The following SERPING1 variants were observed in gnomAD, a reference collection of about 807,000 sequenced individuals.
SERPING1 encodes the protein plasma protease C1 inhibitor.
In SERPING1, 5 loss-of-function variants were observed where a neutral mutation model predicts 34.1. The observed-to-expected ratio is 0.15, with a 90% confidence interval of 0.08 to 0.31. The LOEUF (loss-of-function observed/expected upper bound fraction) is 0.31, where lower values mean the gene tolerates loss of function less well. SERPING1 is among the 10% of genes least tolerant of loss of function. The pLI is 1.00. For missense variants in SERPING1, 505 were observed against 609.5 expected (o/e 0.83, Z 1.81); for synonymous variants, 225 against 242.4 (o/e 0.93, Z 0.67).
intron 7 of SERPING1, among the ~76,000 whole-genome samples, chr11:57,613,945 A>G (rs1036432060): frequency 6.6e-6 from 1 of 152,142 alleles, no homozygotes; most frequent in African/African-American, 2.4e-5. Flanking sequence ...TTGGAGCTAA[A>G]GATGCTCCTA....
At chr11:57,604,098 T>G (rs1048261393) in intron 4 of SERPING1, among the ~76,000 whole-genome samples, 1 of 146,666 alleles carries the variant, frequency 6.8e-6, no homozygotes, top group African/African-American at 2.5e-5. Context: ...CACCACTGCA[T>G]TCCAGCCTGG....
At chr11:57,601,342 A>C (rs1400634451) in intron 3 of SERPING1, among the ~76,000 whole-genome samples, 1 of 151,634 alleles carries the variant, frequency 6.6e-6, no homozygotes, top group East Asian at 1.9e-4. Context: ...CAGAGGTTGC[A>C]GTGAGCCGAA....
chr11:57,598,142 C>A, intron 1 of SERPING1, 107 bp from the exon 2 acceptor site: 1 of 807,752 alleles, frequency 1.2e-6, no homozygotes, highest in Non-Finnish European at 2.0e-6. Context: ...AGGGAATTCG[C>A]TAAGAGGGAC....
At chr11:57,602,947 G>A (rs1450441717) in intron 4 of SERPING1, among the ~76,000 whole-genome samples, 3 of 149,610 alleles carry the variant, frequency 2.0e-5, no homozygotes, top group Non-Finnish European at 4.5e-5. Context: ...AAAGTTGGGG[G>A]TACGGCTGGG....
intron 3 of SERPING1, among the ~76,000 whole-genome samples, chr11:57,601,117 C>T (rs899382119): frequency 6.6e-6 from 1 of 151,744 alleles, no homozygotes; most frequent in East Asian, 1.9e-4. Context: ...AGCAGAAAGC[C>T]AGGCCGGATG....
intron 4 of SERPING1, among the ~76,000 whole-genome samples, chr11:57,604,956 ATGCCT>A (rs1342398044): frequency 6.6e-6 from 1 of 151,984 alleles, no homozygotes; most frequent in African/African-American, 2.4e-5. Context: ...AGCTATGTTT[ATGCCT>A]CTGTACTCTA....
chr11:57,611,065 G>A (rs373529495), intron 6 of SERPING1, among the ~76,000 whole-genome samples: 68 of 152,196 alleles, frequency 4.5e-4, no homozygotes, highest in Middle Eastern at 3.4e-3. Flanking sequence ...CTCCTGAGTA[G>A]CTGGGATTAC....
At chr11:57,606,685 A>G (rs1203176475) in intron 6 of SERPING1, 138 bp downstream of exon 6, 1 of 928,732 alleles carries the variant, frequency 1.1e-6, no homozygotes, top group Non-Finnish European at 1.8e-6. Context: ...TTTCCACCCT[A>G]TCTTTTCTCC....
rs796252015 is a variant in SERPING1 at position 57,612,901 on chromosome 11, C to T, written c.1249+965C>T. Among the ~76,000 whole-genome samples, 3 of 152,096 alleles carry T rather than the reference C, an allele frequency of 2.0e-5. No homozygotes were observed. In the South Asian group the frequency reaches 6.2e-4, roughly 32 times the overall value. ...CTGGGATTACAGGCACCTACCACCACGCCCAGCTAATTTTTTTGTATTTTT... is the reference window on the plus strand; with the variant it reads ...CTGGGATTACAGGCACCTACCACCATGCCCAGCTAATTTTTTTGTATTTTT... On this transcript the variant is annotated intron_variant, in intron 7 of 7. Transcript: ENST00000278407.
chr11:57,611,077 G>A (rs1945471791), intron 6 of SERPING1, among the ~76,000 whole-genome samples: 1 of 152,114 alleles, frequency 6.6e-6, no homozygotes, highest in African/African-American at 2.4e-5. Context: ...TGGGATTACA[G>A]GCACGTGCCA....
intron 4 of SERPING1, 108 bp from the exon 5 acceptor site, chr11:57,605,902 A>T: frequency 2.8e-6 from 3 of 1,061,430 alleles, no homozygotes; most frequent in Non-Finnish European, 4.4e-6. Flanking sequence ...TGCCGTATTC[A>T]CTAAGTGAGC....
intron 7 of SERPING1, 100 bp downstream of exon 7, chr11:57,612,036 TA>T (rs1945483644): frequency 4.9e-6 from 5 of 1,021,154 alleles, no homozygotes; most frequent in Non-Finnish European, 6.1e-6. Context: ...TTTACATCCA[TA>T]ATCTCAGTTT....
chr11:57,600,504 G>GGGT, intron 3 of SERPING1, 127 bp downstream of exon 3: 1 of 989,498 alleles, frequency 1.0e-6, no homozygotes. Flanking sequence ...TATATTGGGG[G>GGGT]TGGGGTAGAG....
rs1169640319 is a variant in SERPING1 at position 57,605,896 on chromosome 11, G to A, written c.686-114G>A. ...GGGCTGGACCGCGCTCCACCATGCC[G>A]TATTCACTAAGTGAGCAGATAGAAC... On this transcript the variant is annotated intron_variant, in intron 4 of 7. Coordinates refer to ENST00000278407, the MANE Select transcript of SERPING1 (RefSeq NM_000062.3). 16 of 1,013,552 alleles carry A rather than the reference G, an allele frequency of 1.6e-5. No homozygotes were observed. The Admixed American group carries it at 2.0e-4, about 13-fold the overall frequency. The allele number at this position is 1,013,552 out of a possible 1,614,324, so 62.8% of individuals were successfully genotyped here. A position where few individuals can be genotyped will look rare whatever the true frequency, so the allele number is the denominator to read the frequency against.
intron 4 of SERPING1, among the ~76,000 whole-genome samples, chr11:57,603,495 C>T (rs1945373457): frequency 2.0e-5 from 3 of 150,574 alleles, no homozygotes; most frequent in South Asian, 2.1e-4. Context: ...TGCAGTGAGC[C>T]GAGATCGCGC....
intron 7 of SERPING1, among the ~76,000 whole-genome samples, chr11:57,612,403 C>CTT (rs1175159358): frequency 1.6e-4 from 21 of 135,214 alleles, no homozygotes; most frequent in East Asian, 8.6e-4. Flanking sequence ...ACTCCATTTT[C>CTT]TTTTTTTTTT....
In SERPING1 at chr11:57,599,900, A is replaced by C; in HGVS notation, c.73A>C (p.Asn25His). 6.2e-7 allele frequency: 1 copy of C among 1,614,206 alleles called. No homozygotes were observed. The highest frequency in any genetic ancestry group is 8.5e-7 in the Non-Finnish European group (1 of 1,180,038). The stretch of plus-strand genomic sequence containing the variant: ...ACAGGATAGAGCCTCCTCAAATCCA[A>C]ATGCTACCAGCTCCAGCTCCCAGGA... ...LAGDRASSNP[N>H]ATSSSSQDPE... Residue 25 changes from asparagine (N) to histidine (H), a missense_variant, in exon 3 of 8, where the codon AAT becomes CAT. Transcript: ENST00000278407.
intron 4 of SERPING1, 95 bp from the exon 5 acceptor site, chr11:57,605,915 A>G: frequency 8.7e-7 from 1 of 1,154,280 alleles, no homozygotes. Flanking sequence ...AAGTGAGCAG[A>G]TAGAACCATA....
At chr11:57,601,689 C>G (rs1280264949) in intron 3 of SERPING1, among the ~76,000 whole-genome samples, 1 of 151,788 alleles carries the variant, frequency 6.6e-6, no homozygotes, top group African/African-American at 2.4e-5. Flanking sequence ...ATGTTGAAAC[C>G]CCATCTCTAC....
Sources: gnomAD v4.1 joint callset for allele counts (sites outside exome capture counted in the v4.1 genomes callset) on GRCh38, gnomAD v4.1.1 for gene constraint, MANE v1.5 for transcripts, NCBI Gene and HGNC (gene_info 2026-07-23, HGNC 2026-07-21) for gene names.